The following ABCC4 variants were observed in gnomAD, a reference collection of about 807,000 sequenced individuals.
The protein encoded by ABCC4 is ATP-binding cassette sub-family C member 4.
Under a neutral mutation model 168.5 loss-of-function variants are expected in ABCC4, and 102 were observed. The observed-to-expected ratio is 0.61, with a 90% CI of 0.52 to 0.71. The LOEUF (loss-of-function observed/expected upper bound fraction) is 0.71. Among genes scored for constraint, ABCC4 ranks in the 30% least tolerant of loss-of-function variants. The pLI, the probability that ABCC4 is intolerant of heterozygous loss-of-function variation, is 0.00. For synonymous variants in ABCC4, 617 were observed against 590.7 expected, an observed-to-expected ratio of 1.04 and a Z score of -0.65; for missense variants, 1,402 against 1,605.8, an observed-to-expected ratio of 0.87 and a Z score of 2.17.
intron 21 of ABCC4, 127 bp from the exon 22 acceptor site, chr13:95,075,678 A>G (rs1446520359): frequency 7.9e-7 from 1 of 1,265,198 alleles, no homozygotes; most frequent in Admixed American, 2.7e-5. Context: ...TTCATGTTTC[A>G]AGGAAAAATA....
chr13:95,183,096 G>A (rs369924633), intron 11 of ABCC4, among the ~76,000 whole-genome samples: 47 of 148,994 alleles, frequency 3.2e-4, no homozygotes, highest in African/African-American at 1.1e-3. Flanking sequence ...TTTTTTGCGG[G>A]GGAGGGTGGC....
chr13:95,125,219 G>A lies in ABCC4; in HGVS notation c.2456-9218C>T, dbSNP rs528037582. 5.3e-5 allele frequency among the ~76,000 whole-genome samples: 8 copies of A among 152,250 alleles called. No individual in the cohort carries two copies. In the South Asian group the frequency reaches 1.5e-3, roughly 28 times the overall value. On this transcript the variant is annotated intron_variant, in intron 19 of 30. Transcript: ENST00000645237. ...GGTGTGCTCATGTCAACACCTCCATGACATCAAGCTACTTTACTGGACACA... is the reference window on the plus strand; with the variant it reads ...GGTGTGCTCATGTCAACACCTCCATAACATCAAGCTACTTTACTGGACACA...
chr13:95,222,865 C>T (rs1037458316), intron 4 of ABCC4, among the ~76,000 whole-genome samples: 8 of 152,070 alleles, frequency 5.3e-5, no homozygotes, highest in South Asian at 4.1e-4. Context: ...ACTAGAGGGA[C>T]GCTTTCGGTA....
chr13:95,146,924 C>G (rs1424171862), intron 19 of ABCC4, among the ~76,000 whole-genome samples: 1 of 152,172 alleles, frequency 6.6e-6, no homozygotes, highest in Non-Finnish European at 1.5e-5. Context: ...TACAACAGAC[C>G]TCTAAAACAT....
rs746645660 is a variant in ABCC4 at position 95,172,224 on chromosome 13, AAAAC to A, written c.1728-1600_1728-1597del. On this transcript the variant is annotated intron_variant, in intron 13 of 30. Coordinates refer to ENST00000645237, the MANE Select transcript of ABCC4 (RefSeq NM_005845.5). ...AGTAAAAATCTTCCAGTCATGCCATAAAACAAACAAATAATAAGTGATTGATGTA... is the reference window on the plus strand; with the variant it reads ...AGTAAAAATCTTCCAGTCATGCCATAAAACAAATAATAAGTGATTGATGTA... Among the ~76,000 whole-genome samples the A allele has an allele frequency of 1.1e-3, 160 of 152,350 alleles. 1 individual carries two copies. Among genetic ancestry groups the A allele is most frequent in the Middle Eastern group, 6.8e-3 (2 of 294 alleles).
At chr13:95,212,649 G>A (rs778770678) in intron 4 of ABCC4, among the ~76,000 whole-genome samples, 16 of 152,164 alleles carry the variant, frequency 1.1e-4, no homozygotes, top group African/African-American at 3.1e-4. Flanking sequence ...CTTGTAAGTC[G>A]TGTATTACTG....
At chr13:95,208,288 G>A (rs954296514) in intron 6 of ABCC4, among the ~76,000 whole-genome samples, 15 of 147,812 alleles carry the variant, frequency 1.0e-4, no homozygotes, top group African/African-American at 2.7e-4. Context: ...GTGCTGGGGA[G>A]CAGAAAAGAA....
chr13:95,247,587 C>A, intron 2 of ABCC4, 56 bp downstream of exon 2: 4 of 1,399,550 alleles, frequency 2.9e-6, no homozygotes, highest in South Asian at 1.2e-5. Flanking sequence ...AAAACCCACT[C>A]CCCACACACA....
rs754450666 is a variant in ABCC4, at chr13:95,073,265, G to A, written c.2957C>T (p.Ala986Val). The A allele has an allele frequency of 1.9e-6, 3 of 1,613,752 alleles. No homozygotes were observed. Among genetic ancestry groups the A allele is most frequent in the East Asian group, 2.2e-5 (1 of 44,850 alleles). ...AGQVGLALSY[A>V]LTLMGMFQWC... ...CTGAAACATCCCCATGAGCGTGAGG[G>A]CATAGGACAGTGCCAAACCAACCTG... is the stretch of plus-strand genomic sequence containing the variant. Residue 986 changes from alanine to valine, a missense_variant, in exon 24 of 31, where the codon GCC (alanine) becomes GTC (valine). By Grantham distance (64) the Ala-to-Val change is moderately conservative. Around this residue, in one of 3 missense-constraint regions of ABCC4, gnomAD observed 1,007 missense variants for 1,127.3 expected, o/e 0.89. Transcript: ENST00000645237.
At chr13:95,070,040 C>G (rs902646046) in intron 25 of ABCC4, among the ~76,000 whole-genome samples, 1 of 152,144 alleles carries the variant, frequency 6.6e-6, no homozygotes, top group Non-Finnish European at 1.5e-5. Flanking sequence ...CTCAGGAGTT[C>G]GAGACCAGCC....
chr13:95,245,487 G>A (rs1265696857), intron 3 of ABCC4, among the ~76,000 whole-genome samples: 2 of 152,172 alleles, frequency 1.3e-5, no homozygotes, highest in Admixed American at 6.5e-5. Flanking sequence ...AAACTGATCG[G>A]GGCCATGTGG....
intron 1 of ABCC4, among the ~76,000 whole-genome samples, chr13:95,285,118 C>A (rs111614862): frequency 0.013 from 1,980 of 152,178 alleles, 42 homozygotes; most frequent in African/African-American, 0.045. Context: ...CATGGTGGCA[C>A]ATGCCTGCAA....
chr13:95,106,397 A>G (rs2139387191), intron 20 of ABCC4, among the ~76,000 whole-genome samples: 1 of 151,806 alleles, frequency 6.6e-6, no homozygotes, highest in South Asian at 2.1e-4. Context: ...GTATATTTTA[A>G]CCAAAAAGTA....
At chr13:95,060,933 G>T (rs1056291394) in intron 26 of ABCC4, among the ~76,000 whole-genome samples, 1 of 152,062 alleles carries the variant, frequency 6.6e-6, no homozygotes, top group Non-Finnish European at 1.5e-5. Flanking sequence ...TGGTGACGAC[G>T]CTTCTCCTTT....
At chr13:95,293,444 C>A (rs540708977) in intron 1 of ABCC4, among the ~76,000 whole-genome samples, 6 of 152,040 alleles carry the variant, frequency 3.9e-5, no homozygotes, top group Non-Finnish European at 8.8e-5. Context: ...AGGATGAACT[C>A]CTGCAGCAGC....
At chr13:95,071,986 T>C (rs2033742293) in intron 24 of ABCC4, 133 bp from the exon 25 acceptor site, 2 of 628,512 alleles carry the variant, frequency 3.2e-6, no homozygotes, top group Non-Finnish European at 4.8e-6. Context: ...GACGAGGATG[T>C]TGATGACTTA....
chr13:95,047,696 G>A (rs1472512969), intron 27 of ABCC4, among the ~76,000 whole-genome samples: 2 of 151,944 alleles, frequency 1.3e-5, no homozygotes, highest in Non-Finnish European at 2.9e-5. Flanking sequence ...TATTGGCCAG[G>A]ATGGTCTCGA....
At chr13:95,109,761 C>T (rs1038855710) in intron 20 of ABCC4, among the ~76,000 whole-genome samples, 6 of 152,170 alleles carry the variant, frequency 3.9e-5, no homozygotes, top group Non-Finnish European at 7.4e-5. Flanking sequence ...AGTCTTATCA[C>T]ACAGCATGGT....
chr13:95,278,196 AG>A (rs1172110338), intron 1 of ABCC4, among the ~76,000 whole-genome samples: 1 of 152,234 alleles, frequency 6.6e-6, no homozygotes, highest in African/African-American at 2.4e-5. Context: ...ATAAAAGTTT[AG>A]CAAATATTTA....
Sources: gnomAD v4.1 joint callset for allele counts (sites outside exome capture counted in the v4.1 genomes callset) on GRCh38, gnomAD v4.1.1 for gene constraint, gnomAD v4.1.1 regional missense constraint, MANE v1.5 for transcripts, NCBI Gene and HGNC (gene_info 2026-07-23, HGNC 2026-07-21) for gene names.